Variants in CSMD1 observed in about 807,000 individuals in gnomAD.
CSMD1 encodes the protein CUB and sushi domain-containing protein 1.
Under a neutral mutation model 417.5 loss-of-function variants are expected in CSMD1, and 213 were observed. The observed-to-expected ratio is 0.51, with a 90% confidence interval of 0.46 to 0.57. The LOEUF (loss-of-function observed/expected upper bound fraction) is 0.57. Ranked by LOEUF, CSMD1 falls within the 20% of genes least tolerant of loss-of-function variation. CSMD1 has a pLI of 0.00. For missense variants in CSMD1, 6,923 were observed against 4,529.7 expected, an observed-to-expected ratio of 1.53 and a Z score of -15.17; for synonymous variants, 2,862 against 1,736.8, an observed-to-expected ratio of 1.65 and a Z score of -16.11.
intron 5 of CSMD1, among the ~76,000 whole-genome samples, chr8:3,916,596 A>G (rs532467720): frequency 1.3e-5 from 2 of 152,290 alleles, no homozygotes; most frequent in African/African-American, 4.8e-5. Flanking sequence ...AGGTGACAAT[A>G]TGAACTTTAG....
At chr8:3,377,689 G>A (rs554120943) in intron 18 of CSMD1, among the ~76,000 whole-genome samples, 13 of 152,064 alleles carry the variant, frequency 8.5e-5, no homozygotes, top group Non-Finnish European at 1.6e-4. Context: ...TGGTAATTCT[G>A]CTCATATCCT....
At chr8:4,133,316 G>A (rs541287248) in intron 3 of CSMD1, among the ~76,000 whole-genome samples, 3 of 152,128 alleles carry the variant, frequency 2.0e-5, no homozygotes, top group African/African-American at 7.2e-5. Context: ...ACTGGAATGA[G>A]GACAAATAAT....
At chr8:4,716,029 C>T (rs560535421) in intron 1 of CSMD1, among the ~76,000 whole-genome samples, 19 of 152,180 alleles carry the variant, frequency 1.2e-4, no homozygotes, top group Non-Finnish European at 2.5e-4. Context: ...AGGGCAGATT[C>T]CAAAGCCAAC....
chr8:3,154,969 T>C (rs1585499386), intron 39 of CSMD1, among the ~76,000 whole-genome samples: 2 of 152,340 alleles, frequency 1.3e-5, no homozygotes, highest in South Asian at 4.1e-4. Context: ...TTGAGATTTA[T>C]CATGGGTCAT....
chr8:3,179,295 G>C (rs1382722253), intron 37 of CSMD1, among the ~76,000 whole-genome samples: 1 of 152,106 alleles, frequency 6.6e-6, no homozygotes, highest in Non-Finnish European at 1.5e-5. Flanking sequence ...AGAGAAATGA[G>C]TTCCTCTTAA....
chr8:2,987,536 T>A (rs911770709), intron 54 of CSMD1, among the ~76,000 whole-genome samples: 9 of 151,992 alleles, frequency 5.9e-5, no homozygotes, highest in Non-Finnish European at 1.0e-4. Flanking sequence ...TATTCACTAC[T>A]ATTTTGAAAG....
At chr8:4,813,704 G>C (rs187305759) in intron 1 of CSMD1, among the ~76,000 whole-genome samples, 5 of 152,298 alleles carry the variant, frequency 3.3e-5, no homozygotes, top group East Asian at 3.9e-4. Context: ...AGAATCCTCA[G>C]TAATTCAAGA....
intron 3 of CSMD1, among the ~76,000 whole-genome samples, chr8:4,224,059 A>C (rs1219420181): frequency 6.6e-6 from 1 of 152,094 alleles, no homozygotes; most frequent in African/African-American, 2.4e-5. Flanking sequence ...AACCCTACTC[A>C]AACAGGGCTA....
chr8:3,561,380 C>G (rs1799459952), intron 10 of CSMD1, among the ~76,000 whole-genome samples: 1 of 152,186 alleles, frequency 6.6e-6, no homozygotes, highest in Non-Finnish European at 1.5e-5. Flanking sequence ...ATAGAATCAA[C>G]TTAAGTGTCC....
Position 4,737,667 on chromosome 8 carries a change from T to C in CSMD1, c.86-100109A>G, listed in dbSNP as rs190454023. 1.4e-3 allele frequency among the ~76,000 whole-genome samples: 216 copies of C among 152,284 alleles called. 6 individuals are homozygous for C. The South Asian group carries it at 0.039, about 27-fold the overall frequency. On this transcript the variant is annotated intron_variant, in intron 1 of 69. Coordinates refer to ENST00000635120, the MANE Select transcript of CSMD1 (RefSeq NM_033225.6). ...TTGAGATAAAAGAAAAAGAGACAGG[T>C]TGGATGAATGCAAGGAATAAATCAT...
chr8:3,628,293 G>T (rs545245543), intron 7 of CSMD1, among the ~76,000 whole-genome samples: 3 of 152,070 alleles, frequency 2.0e-5, no homozygotes, highest in Non-Finnish European at 2.9e-5. Flanking sequence ...GCCCAGCAGA[G>T]GTTGCAGCCC....
chr8:4,911,207 G>T (rs1392773385), intron 1 of CSMD1, among the ~76,000 whole-genome samples: 1 of 152,158 alleles, frequency 6.6e-6, no homozygotes, highest in African/African-American at 2.4e-5. Flanking sequence ...AAAGATTTTG[G>T]CTTTTCCTCA....
intron 52 of CSMD1, among the ~76,000 whole-genome samples, chr8:3,002,126 T>A (rs1249701318): frequency 3.9e-5 from 6 of 152,198 alleles, no homozygotes; most frequent in African/African-American, 1.4e-4. Context: ...ATCGGATCAA[T>A]AAGTCAGTTC....
chr8:4,641,636 T>C (rs541797308), intron 1 of CSMD1, among the ~76,000 whole-genome samples: 11 of 152,180 alleles, frequency 7.2e-5, no homozygotes, highest in African/African-American at 2.7e-4. Context: ...CCTAGAGCCG[T>C]CCCACCAAAC....
At chr8:3,262,198 T>A (rs988048838) in intron 26 of CSMD1, among the ~76,000 whole-genome samples, 7 of 81,338 alleles carry the variant, frequency 8.6e-5, no homozygotes, top group South Asian at 3.3e-4. Context: ...TATATATATA[T>A]ATATATATAT....
chr8:3,751,951 T>G (rs201200214), intron 6 of CSMD1, among the ~76,000 whole-genome samples: 1 of 152,210 alleles, frequency 6.6e-6, no homozygotes, highest in African/African-American at 2.4e-5. Context: ...CTTGTAAATA[T>G]TGACTTATGG....
chr8:4,387,195 C>G (rs1407530504), intron 3 of CSMD1, among the ~76,000 whole-genome samples: 1 of 152,178 alleles, frequency 6.6e-6, no homozygotes, highest in Non-Finnish European at 1.5e-5. Flanking sequence ...TAGGAGGTAT[C>G]TGAGTGTCAC....
intron 37 of CSMD1, among the ~76,000 whole-genome samples, chr8:3,169,361 G>T (rs1027702985): frequency 6.6e-6 from 1 of 151,668 alleles, no homozygotes; most frequent in African/African-American, 2.4e-5. Context: ...ACATGAAAAA[G>T]AAAACAATGG....
At chr8:4,102,492 C>G (rs902841628) in intron 3 of CSMD1, among the ~76,000 whole-genome samples, 1 of 152,064 alleles carries the variant, frequency 6.6e-6, no homozygotes, top group African/African-American at 2.4e-5. Flanking sequence ...ACTTGAGGGG[C>G]AGAATTCTTT....
Sources: allele counts gnomAD v4.1 joint callset (sites outside exome capture counted in the v4.1 genomes callset), GRCh38; gene constraint gnomAD v4.1.1; transcripts MANE v1.5; gene names NCBI Gene and HGNC (gene_info 2026-07-23, HGNC 2026-07-21).